Variants in ZNF18 observed in about 807,000 individuals in gnomAD.
ZNF18 encodes the protein heart development-specific gene 1 protein.
ZNF18 carries 42 observed loss-of-function variants against 58.1 expected under a neutral mutation model. That is an observed-to-expected ratio of 0.72 (90% CI 0.56 to 0.93). The LOEUF is 0.93. ZNF18 is among the 40% of genes least tolerant of loss of function. The pLI is 0.00. For missense variants in ZNF18, 540 were observed against 644.2 expected, an observed-to-expected ratio of 0.84 and a Z score of 1.75; for synonymous variants, 231 against 239.8, an observed-to-expected ratio of 0.96 and a Z score of 0.34.
chr17:12,000,722 A>G (rs1462854247), upstream of ZNF18, among the ~76,000 whole-genome samples: 3 of 152,180 alleles, frequency 2.0e-5, no homozygotes, highest in African/African-American at 7.2e-5. Context: ...GTCAGAAAGA[A>G]AGAAAGGAAG....
At chr17:12,014,062 A>G in the ZNF18 span, among the ~76,000 whole-genome samples, 1 of 152,338 alleles carries the variant, frequency 6.6e-6, no homozygotes, top group Non-Finnish European at 1.5e-5. Context: ...TGTCCTCTTC[A>G]TTGGATATTG....
At chr17:11,992,301 A>C in intron 2 of ZNF18, 142 bp downstream of exon 2, 2 of 1,081,692 alleles carry the variant, frequency 1.8e-6, no homozygotes, top group Non-Finnish European at 2.6e-6. Flanking sequence ...TACTGGTGTT[A>C]GAGAATCACA....
chr17:11,996,219 G>A lies in ZNF18; in HGVS notation c.-83+1212C>T, dbSNP rs541474974. Among the ~76,000 whole-genome samples, 389 of 152,234 alleles carry A rather than the reference G, an allele frequency of 2.6e-3. 1 individual carries two copies. Among genetic ancestry groups the A allele is most frequent in the Non-Finnish European group, 4.4e-3 (298 of 68,018 alleles). ...CCTGAAAAGCAGCTTTAGCTCAGAG[G>A]TAAACCTACAGTTTCAAATAACATC... On this transcript the variant is annotated intron_variant, in intron 1 of 6. Coordinates refer to ENST00000580306, the MANE Select transcript of ZNF18 (RefSeq NM_001303281.2).
Position 11,992,513 on chromosome 17 carries a change from G to A in ZNF18, c.317C>T (p.Pro106Leu). The A allele has an allele frequency of 6.2e-7, 1 of 1,614,148 alleles. No homozygotes were observed. The highest frequency in any genetic ancestry group is 8.5e-7 in the Non-Finnish European group (1 of 1,180,024). The change falls in exon 2 of 7, where the codon CCA (proline) becomes CTA (leucine). Residue 106 changes from proline to leucine, a missense_variant. By Grantham distance (98) the Pro-to-Leu change is moderately conservative. Transcript: ENST00000580306. ...GGTCACTGCCTCTTCTCCACTTCCT[G>A]GACACTGTTTCCGCACCCACATCTG... ...EIQMWVRKQC[P>L]GSGEEAVTLV...
At chr17:12,002,492 T>C in the ZNF18 span, 2 of 152,138 alleles carry the variant, frequency 1.3e-5, no homozygotes, top group African/African-American at 4.8e-5. Flanking sequence ...ACATGGCAAA[T>C]ATCTTTGTTC....
intron 4 of ZNF18, 75 bp downstream of exon 4, chr17:11,990,387 G>A: frequency 7.8e-7 from 1 of 1,274,538 alleles, no homozygotes; most frequent in East Asian, 2.5e-5. Flanking sequence ...TGGAGAATGG[G>A]GTGAAGAGAA....
chr17:11,982,657 A>AGTGTGTGT (rs143602913), intron 6 of ZNF18, among the ~76,000 whole-genome samples: 5,959 of 136,732 alleles, frequency 0.044, 195 homozygotes, highest in Non-Finnish European at 0.054. Context: ...TATATATAAA[A>AGTGTGTGT]GTGTGTGTGT....
At chr17:11,985,649 T>C (rs1390125890) in intron 4 of ZNF18, among the ~76,000 whole-genome samples, 1 of 152,236 alleles carries the variant, frequency 6.6e-6, no homozygotes. Context: ...AAAAGGACTC[T>C]GTCATCCTCT....
intron 4 of ZNF18, among the ~76,000 whole-genome samples, chr17:11,988,395 T>C (rs1249583105): frequency 2.0e-5 from 3 of 152,244 alleles, no homozygotes; most frequent in Non-Finnish European, 4.4e-5. Flanking sequence ...CTCCCTGAGT[T>C]GAGCAGAAGG....
chr17:12,019,306 G>C, the ZNF18 span, among the ~76,000 whole-genome samples: 1 of 144,700 alleles, frequency 6.9e-6, no homozygotes, highest in East Asian at 1.9e-4. Context: ...GTGTGTGTGT[G>C]TGTGTGTGTG....
intron 2 of ZNF18, among the ~76,000 whole-genome samples, chr17:11,991,589 T>C (rs920667282): frequency 6.6e-6 from 1 of 152,176 alleles, no homozygotes; most frequent in Non-Finnish European, 1.5e-5. Flanking sequence ...TAATAAGAAA[T>C]ACACATTTAG....
At chr17:12,013,071 C>T in the ZNF18 span, among the ~76,000 whole-genome samples, 1 of 152,086 alleles carries the variant, frequency 6.6e-6, no homozygotes, top group Admixed American at 6.6e-5. Context: ...CCTGCCTCAG[C>T]CTCCCAAGTA....
the ZNF18 span, among the ~76,000 whole-genome samples, chr17:12,016,161 A>G: frequency 6.6e-6 from 1 of 152,160 alleles, no homozygotes; most frequent in African/African-American, 2.4e-5. Context: ...TCTTTAGCAT[A>G]TATTTGCTGC....
intron 4 of ZNF18, among the ~76,000 whole-genome samples, chr17:11,986,501 C>T (rs773507314): frequency 6.6e-6 from 1 of 152,196 alleles, no homozygotes; most frequent in African/African-American, 2.4e-5. Flanking sequence ...AGCTGAAAAG[C>T]GACCTCAATA....
chr17:12,015,472 C>A, the ZNF18 span, among the ~76,000 whole-genome samples: 2 of 152,122 alleles, frequency 1.3e-5, no homozygotes, highest in Non-Finnish European at 2.9e-5. Flanking sequence ...TTATTTTGTT[C>A]TAGCGAGTAA....
the ZNF18 span, among the ~76,000 whole-genome samples, chr17:12,005,150 T>C: frequency 6.7e-6 from 1 of 148,948 alleles, no homozygotes; most frequent in East Asian, 1.9e-4. Context: ...TCAGAAGTTA[T>C]ATATATACAG....
At chr17:11,984,552 C>T (rs1437023564) in intron 4 of ZNF18, among the ~76,000 whole-genome samples, 1 of 150,288 alleles carries the variant, frequency 6.7e-6, no homozygotes, top group African/African-American at 2.5e-5. Flanking sequence ...CTCACTCTGT[C>T]GCCCAGGCTG....
chr17:11,977,805 T>G lies in ZNF18; in HGVS notation c.*152A>C. 1 of 891,712 alleles carries G rather than the reference T, an allele frequency of 1.1e-6. No individual in the cohort carries two copies. Among genetic ancestry groups the G allele is most frequent in the South Asian group, 2.0e-5 (1 of 50,044 alleles). 55.2% of individuals were successfully genotyped at this position (891,712 alleles called of 1,614,324 possible). A position where few individuals can be genotyped will look rare whatever the true frequency, so the allele number is the denominator to read the frequency against. On this transcript the variant is annotated 3_prime_UTR_variant, in exon 7 of 7. Transcript: ENST00000580306. Reference sequence around the variant, plus strand: ...AATCCAATCCAAGATATCCTCCAAGTCCAAAGCCATGTCCAGATTCTCTCC... The same window carrying G: ...AATCCAATCCAAGATATCCTCCAAGGCCAAAGCCATGTCCAGATTCTCTCC...
intron 4 of ZNF18, among the ~76,000 whole-genome samples, chr17:11,990,054 C>T (rs1473826528): frequency 2.6e-5 from 4 of 151,390 alleles, no homozygotes; most frequent in East Asian, 3.9e-4. Flanking sequence ...GAGAAATAAG[C>T]GAGACAGAAA....
Sources: gnomAD v4.1 joint callset for allele counts (sites outside exome capture counted in the v4.1 genomes callset) on GRCh38, gnomAD v4.1.1 for gene constraint, MANE v1.5 for transcripts, NCBI Gene and HGNC (gene_info 2026-07-23, HGNC 2026-07-21) for gene names.